The following ANKHD1 variants were observed in gnomAD, a reference collection of about 807,000 sequenced individuals.
ANKHD1 encodes ankyrin repeat and KH domain containing 1.
A neutral mutation model predicts 230.5 loss-of-function variants in ANKHD1; 31 were observed. That is an observed-to-expected ratio of 0.13 (90% confidence interval 0.10 to 0.18). The LOEUF (loss-of-function observed/expected upper bound fraction) is 0.18. ANKHD1 is among the 10% of genes least tolerant of loss of function. ANKHD1 has a pLI of 1.00. For synonymous variants in ANKHD1, 1,074 were observed against 1,117.6 expected (o/e 0.96, Z 0.78); for missense variants, 2,256 against 3,071.3 (o/e 0.73, Z 6.27).
chr5:140,438,704 G>A (rs1773632737), intron 3 of ANKHD1, 87 bp downstream of exon 3: 1 of 1,454,378 alleles, frequency 6.9e-7, no homozygotes, highest in Non-Finnish European at 9.1e-7. Context: ...ATATCTTTTG[G>A]TGGAGCTTAT....
chr5:140,472,336 A>G, intron 10 of ANKHD1: 1 of 1,608,384 alleles, frequency 6.2e-7, no homozygotes, highest in Non-Finnish European at 8.5e-7. Context: ...CTACGTAAAG[A>G]ATAGATGTTG....
intron 1 of ANKHD1, among the ~76,000 whole-genome samples, chr5:140,405,091 A>G (rs1770323058): frequency 6.6e-6 from 1 of 151,522 alleles, no homozygotes; most frequent in Admixed American, 6.6e-5. Context: ...GTATTTTTGA[A>G]GCTTATTGTA....
intron 10 of ANKHD1, among the ~76,000 whole-genome samples, chr5:140,474,517 A>G (rs1375263476): frequency 6.6e-6 from 1 of 151,678 alleles, no homozygotes; most frequent in East Asian, 1.9e-4. Context: ...TTAAAATAAA[A>G]TTTTGTTATC....
chr5:140,504,475 A>G (rs981293682), intron 15 of ANKHD1, among the ~76,000 whole-genome samples: 1 of 152,192 alleles, frequency 6.6e-6, no homozygotes, highest in Non-Finnish European at 1.5e-5. Context: ...TGGCAATGCA[A>G]AAAGCTACTA....
At chr5:140,420,180 A>G (rs960578672) in intron 1 of ANKHD1, among the ~76,000 whole-genome samples, 1 of 150,560 alleles carries the variant, frequency 6.6e-6, no homozygotes, top group Non-Finnish European at 1.5e-5. Context: ...TGTACAGACA[A>G]GGTCTCACCA....
At chr5:140,450,459 C>G (rs567272622) in intron 7 of ANKHD1, among the ~76,000 whole-genome samples, 1 of 152,000 alleles carries the variant, frequency 6.6e-6, no homozygotes, top group Non-Finnish European at 1.5e-5. Flanking sequence ...CTTCCCAAGC[C>G]TCCCACCTGT....
rs900285083 is a variant in ANKHD1, at chr5:140,485,455, A to G, written c.1999-134A>G. 10 of 1,125,816 alleles carry G rather than the reference A, an allele frequency of 8.9e-6. No homozygotes were observed. The highest frequency in any genetic ancestry group is 1.2e-5 in the Non-Finnish European group (10 of 838,776). The allele number at this position is 1,125,816 out of a possible 1,614,324, so 69.7% of individuals were successfully genotyped here. On this transcript the variant is annotated intron_variant, in intron 12 of 33. Transcript: ENST00000360839. The surrounding 1 kb of genome is among the most constrained non-coding windows in gnomAD (Gnocchi z 4.8). ...ATGTATGTGTATATATATATAAATA[A>G]TATGTGTATAGTTATAAAAATATGT...
Position 140,537,553 on chromosome 5 carries a change from A to G in ANKHD1, c.7192A>G (p.Ser2398Gly), listed in dbSNP as rs1254343273. 7 of 1,604,612 alleles carry G rather than the reference A, an allele frequency of 4.4e-6. No individual in the cohort carries two copies. The highest frequency in any genetic ancestry group is 4.5e-5 in the East Asian group (2 of 44,760). Residue 2398 changes from serine to glycine, a missense_variant, in exon 31 of 34, where the codon AGT (serine) becomes GGT (glycine). By Grantham distance (56) the Ser-to-Gly change is moderately conservative. Coordinates refer to ENST00000360839, the MANE Select transcript of ANKHD1 (RefSeq NM_017747.3). ...GTSFVAPVGHSGIWSFGVNAV... is the reference protein window; with the variant it reads ...GTSFVAPVGHGGIWSFGVNAV... ...CAGTTTTGTCGCTCCCGTTGGACAC[A>G]GTGGAATCTGGTCATTTGGTGTCAA...
At position 140,445,987 on chromosome 5, in the gene ANKHD1, A is replaced by G. The variant is rs559523915; in HGVS notation, c.1147+12A>G. ...TGCTTGCTACAAAGGTACTTAATAC[A>G]TGTATGAATATTTATAATGTTTTTC... On this transcript the variant is annotated intron_variant, in intron 6 of 33. Transcript: ENST00000360839. 19 of 1,558,108 alleles carry G rather than the reference A, an allele frequency of 1.2e-5. No homozygotes were observed. The highest frequency in any genetic ancestry group is 4.6e-5 in the East Asian group (2 of 43,612).
chr5:140,507,827 A>C lies in ANKHD1; in HGVS notation c.3594A>C (p.Ala1198=). The part of the protein sequence containing the change: ...KLGISPLMLA[A]MNGHVPAVKL... ...GTATTTCTCCCCTGATGTTGGCTGC[A>C]ATGAATGGACATGTTCCTGCAGTAA... The change falls in exon 20 of 34, where the codon GCA becomes GCC. Residue 1198 remains alanine (A), a synonymous_variant. Coordinates refer to ENST00000360839, the MANE Select transcript of ANKHD1 (RefSeq NM_017747.3). This position sits in a 1 kb window ranked among gnomAD's most constrained non-coding sequence, Gnocchi z 4.1. The C allele has an allele frequency of 6.2e-7, 1 of 1,614,180 alleles. No individual in the cohort carries two copies. The highest frequency in any genetic ancestry group is 8.5e-7 in the Non-Finnish European group (1 of 1,180,034).
chr5:140,411,099 A>G lies in ANKHD1; in HGVS notation c.306+8826A>G, dbSNP rs76669077. Among the ~76,000 whole-genome samples, 1,061 of 152,370 alleles carry G rather than the reference A, an allele frequency of 7.0e-3. 7 individuals carry two copies. Among genetic ancestry groups the G allele is most frequent in the Non-Finnish European group, 9.6e-3 (656 of 68,040 alleles). On this transcript the variant is annotated intron_variant, in intron 1 of 33. Coordinates refer to ENST00000360839, the MANE Select transcript of ANKHD1 (RefSeq NM_017747.3). ...ATTGAAGTTTTCACAGATGTAAAGT[A>G]AAATGGAGAAAATAAGCAGGATGTA...
chr5:140,409,595 C>T, intron 1 of ANKHD1, among the ~76,000 whole-genome samples: 1 of 150,204 alleles, frequency 6.7e-6, no homozygotes, highest in East Asian at 1.9e-4. Context: ...CTCTGTCACC[C>T]AGGCTGGAGT....
chr5:140,503,480 C>CTCCAT (rs1301826606), intron 15 of ANKHD1, among the ~76,000 whole-genome samples: 1 of 148,918 alleles, frequency 6.7e-6, no homozygotes, highest in African/African-American at 2.5e-5. Context: ...CGTGGTCAAA[C>CTCCAT]TCCATCTCTT....
At chr5:140,448,792 T>A (rs1277094971) in intron 6 of ANKHD1, among the ~76,000 whole-genome samples, 1 of 152,228 alleles carries the variant, frequency 6.6e-6, no homozygotes, top group African/African-American at 2.4e-5. Flanking sequence ...TTGGAATTAT[T>A]TTAAATGGAG....
At chr5:140,531,470 A>T (rs1396516721) in intron 29 of ANKHD1, 1 of 197,012 alleles carries the variant, frequency 5.1e-6, no homozygotes. Context: ...AGTCCCAGCT[A>T]CTTGGGAGGC....
At chr5:140,537,932 T>G (rs1210181161) in intron 31 of ANKHD1, among the ~76,000 whole-genome samples, 154 bp from the exon 32 acceptor site, 1 of 149,400 alleles carries the variant, frequency 6.7e-6, no homozygotes, top group African/African-American at 2.6e-5. Flanking sequence ...CAGGAACTGG[T>G]TTTTTTTGGC....
chr5:140,510,297 T>A, intron 22 of ANKHD1, 116 bp downstream of exon 22: 1 of 1,154,338 alleles, frequency 8.7e-7, no homozygotes, highest in Non-Finnish European at 1.1e-6. Context: ...AAATCACTGC[T>A]ATCTTTCCAT....
chr5:140,409,271 G>A (rs1184499179), intron 1 of ANKHD1, among the ~76,000 whole-genome samples: 1 of 152,178 alleles, frequency 6.6e-6, no homozygotes, highest in Non-Finnish European at 1.5e-5. Context: ...TATAAAACTA[G>A]CATGCACTGC....
intron 14 of ANKHD1, among the ~76,000 whole-genome samples, chr5:140,492,173 C>T (rs1751838801): frequency 6.6e-6 from 1 of 151,992 alleles, no homozygotes; most frequent in African/African-American, 2.4e-5. Context: ...TTCAGTATTC[C>T]TCTGGAAACT....
Sources: gnomAD v4.1 joint callset for allele counts (sites outside exome capture counted in the v4.1 genomes callset) on GRCh38, gnomAD v4.1.1 for gene constraint, Gnocchi (gnomAD v3.1) non-coding constraint, MANE v1.5 for transcripts, NCBI Gene and HGNC (gene_info 2026-07-23, HGNC 2026-07-21) for gene names.